PRKG1: variants seen among roughly 807,000 people sequenced by gnomAD.
The protein encoded by PRKG1 is cGMP-dependent protein kinase 1.
Under a neutral mutation model 88.1 loss-of-function variants are expected in PRKG1, and 35 were observed. The observed-to-expected ratio is 0.40, with a 90% CI of 0.30 to 0.53. The LOEUF (loss-of-function observed/expected upper bound fraction) is 0.53, where lower values mean the gene tolerates loss of function less well. PRKG1 is among the 20% of genes least tolerant of loss of function. The pLI, the probability that PRKG1 is intolerant of heterozygous loss-of-function variation, is 0.59. For missense variants in PRKG1, 540 were observed against 839.8 expected, an observed-to-expected ratio of 0.64 and a Z score of 4.41; for synonymous variants, 303 against 292.5, an observed-to-expected ratio of 1.04 and a Z score of -0.37.
At chr10:51,270,486 C>A (rs938555637) in intron 2 of PRKG1, among the ~76,000 whole-genome samples, 1 of 151,952 alleles carries the variant, frequency 6.6e-6, no homozygotes, top group Non-Finnish European at 1.5e-5. Context: ...AATTTCCAAG[C>A]CATTCACTAA....
intron 2 of PRKG1, among the ~76,000 whole-genome samples, chr10:51,207,125 T>C (rs1044604496): frequency 1.3e-5 from 2 of 152,210 alleles, no homozygotes; most frequent in African/African-American, 4.8e-5. Flanking sequence ...AGCCTGAAGT[T>C]GACAAGTCAG....
chr10:51,787,957 A>G (rs888256265), intron 3 of PRKG1, among the ~76,000 whole-genome samples: 1 of 152,188 alleles, frequency 6.6e-6, no homozygotes, highest in Admixed American at 6.6e-5. Context: ...AGAAAGGTGA[A>G]TAATGTGTCA....
At chr10:51,021,505 A>C (rs771000994) in intron 1 of PRKG1, among the ~76,000 whole-genome samples, 1 of 152,132 alleles carries the variant, frequency 6.6e-6, no homozygotes, top group Non-Finnish European at 1.5e-5. Flanking sequence ...AATAATTCTG[A>C]CCCATTTTTC....
At chr10:51,048,979 T>G (rs1843525633) in intron 1 of PRKG1, among the ~76,000 whole-genome samples, 1 of 152,090 alleles carries the variant, frequency 6.6e-6, no homozygotes, top group African/African-American at 2.4e-5. Flanking sequence ...GAGTAAAGAT[T>G]TATTTCTTCC....
At chr10:51,095,567 TA>T (rs1844507403) in intron 1 of PRKG1, among the ~76,000 whole-genome samples, 1 of 152,178 alleles carries the variant, frequency 6.6e-6, no homozygotes, top group Non-Finnish European at 1.5e-5. Context: ...ACCTTATAGT[TA>T]ACAGCAATTG....
intron 9 of PRKG1, among the ~76,000 whole-genome samples, chr10:52,244,984 A>G (rs1444992582): frequency 3.4e-5 from 5 of 146,700 alleles, no homozygotes; most frequent in Non-Finnish European, 7.5e-5. Context: ...TATTAAAAAT[A>G]TAAAAAAATA....
chr10:51,603,785 G>A (rs975979523), intron 3 of PRKG1, among the ~76,000 whole-genome samples: 2 of 152,172 alleles, frequency 1.3e-5, no homozygotes, highest in African/African-American at 2.4e-5. Flanking sequence ...ACCAGGTAAG[G>A]TGATGACATA....
intron 10 of PRKG1, among the ~76,000 whole-genome samples, chr10:52,254,384 T>C (rs1314672562): frequency 6.6e-6 from 1 of 152,062 alleles, no homozygotes; most frequent in Admixed American, 6.6e-5. Flanking sequence ...CTCAACATGT[T>C]AATACAAAGT....
intron 3 of PRKG1, among the ~76,000 whole-genome samples, chr10:51,560,816 G>A (rs1484819440): frequency 6.6e-6 from 1 of 152,046 alleles, no homozygotes. Flanking sequence ...CAATACAGGT[G>A]ACCAGATAGA....
intron 1 of PRKG1, among the ~76,000 whole-genome samples, chr10:51,096,601 G>T (rs1175400019): frequency 6.6e-6 from 1 of 152,100 alleles, no homozygotes; most frequent in African/African-American, 2.4e-5. Context: ...CCTCCCAGTT[G>T]GACTCTCAGG....
chr10:51,833,476 G>T (rs1463055827), intron 4 of PRKG1, among the ~76,000 whole-genome samples: 1 of 152,146 alleles, frequency 6.6e-6, no homozygotes, highest in African/African-American at 2.4e-5. Flanking sequence ...TGCAACTGAG[G>T]CTCAGCAAAA....
chr10:51,584,170 T>C (rs1838114332), intron 3 of PRKG1, among the ~76,000 whole-genome samples: 1 of 152,092 alleles, frequency 6.6e-6, no homozygotes, highest in African/African-American at 2.4e-5. Flanking sequence ...AACCTCAGGG[T>C]AACTCACTGT....
At chr10:51,911,048 C>T (rs1842204800) in intron 5 of PRKG1, 1 of 152,160 alleles carries the variant, frequency 6.6e-6, no homozygotes, top group South Asian at 2.1e-4. Flanking sequence ...ACTTACTGGT[C>T]TCCTTCATCT....
intron 8 of PRKG1, among the ~76,000 whole-genome samples, chr10:52,160,651 T>C (rs1426300381): frequency 3.3e-5 from 5 of 152,024 alleles, no homozygotes; most frequent in Admixed American, 3.3e-4. Context: ...AAAAAGTATA[T>C]GTAAAAGCAA....
At chr10:51,196,073 TG>T (rs1351290613) in intron 2 of PRKG1, among the ~76,000 whole-genome samples, 1 of 152,126 alleles carries the variant, frequency 6.6e-6, no homozygotes, top group Admixed American at 6.5e-5. Flanking sequence ...GGAGGATCCT[TG>T]CTATAATTAT....
intron 5 of PRKG1, among the ~76,000 whole-genome samples, chr10:51,943,402 G>A (rs546913721): frequency 4.9e-4 from 75 of 152,080 alleles, no homozygotes; most frequent in South Asian, 2.1e-3. Flanking sequence ...TCTGCAAACA[G>A]GGACAATTTG....
intron 2 of PRKG1, among the ~76,000 whole-genome samples, chr10:51,288,859 A>G (rs937173686): frequency 1.3e-5 from 2 of 152,092 alleles, no homozygotes; most frequent in Non-Finnish European, 1.5e-5. Flanking sequence ...TTTTATTTAG[A>G]AGTAGATTTT....
intron 3 of PRKG1, among the ~76,000 whole-genome samples, chr10:51,582,982 A>G (rs1207100413): frequency 6.6e-6 from 1 of 152,190 alleles, no homozygotes; most frequent in African/African-American, 2.4e-5. Context: ...ACTTAATTCA[A>G]CCTGTAGTGA....
Position 51,330,368 on chromosome 10 carries a change from C to G in PRKG1, c.479-137355C>G, listed in dbSNP as rs191106860. On this transcript the variant is annotated intron_variant, in intron 2 of 17. Transcript: ENST00000373980. Reference sequence around the variant, plus strand: ...GTTTCACCATGTTGGCCAGGCTGGTCTTGATCTCCTGACCTCAGGTGATTC... The same window carrying G: ...GTTTCACCATGTTGGCCAGGCTGGTGTTGATCTCCTGACCTCAGGTGATTC... Among the ~76,000 whole-genome samples, 483 of 152,156 alleles carry G rather than the reference C, an allele frequency of 3.2e-3. 4 individuals carry two copies. Among genetic ancestry groups the G allele is most frequent in the African/African-American group, 0.011 (453 of 41,540 alleles).
Sources: allele counts gnomAD v4.1 joint callset (sites outside exome capture counted in the v4.1 genomes callset), GRCh38; gene constraint gnomAD v4.1.1; transcripts MANE v1.5; gene names NCBI Gene and HGNC (gene_info 2026-07-23, HGNC 2026-07-21).